HOXC5: variants seen among roughly 807,000 people sequenced by gnomAD.
HOXC5 encodes the protein homeobox protein Hox-C5.
Under a neutral mutation model 20.1 loss-of-function variants are expected in HOXC5, and 19 were observed. The ratio of observed to expected loss-of-function variants is 0.94; its 90% CI spans 0.66 to 1.38. The LOEUF (loss-of-function observed/expected upper bound fraction) is 1.38, where lower values mean the gene tolerates loss of function less well. Among genes scored for constraint, HOXC5 ranks in the 40% most tolerant of loss-of-function variants. HOXC5 has a pLI of 0.00. For missense variants in HOXC5, 330 were observed against 300.1 expected, an observed-to-expected ratio of 1.10 and a Z score of -0.74; for synonymous variants, 124 against 117.0, an observed-to-expected ratio of 1.06 and a Z score of -0.39.
At chr12:54,018,136 G>T in the HOXC5 span, among the ~76,000 whole-genome samples, 82 of 152,010 alleles carry the variant, frequency 5.4e-4, no homozygotes, top group Admixed American at 1.0e-3. Context: ...GGTGCCCTGC[G>T]TTGGGTGGAG....
the HOXC5 span, among the ~76,000 whole-genome samples, chr12:54,026,993 C>T: frequency 6.6e-6 from 1 of 151,430 alleles, no homozygotes; most frequent in Non-Finnish European, 1.5e-5. Context: ...GCTTTCTCTG[C>T]TCCCCGCACA....
At chr12:54,027,588 C>T in the HOXC5 span, among the ~76,000 whole-genome samples, 1 of 152,202 alleles carries the variant, frequency 6.6e-6, no homozygotes, top group Non-Finnish European at 1.5e-5. Flanking sequence ...TGTCTTTCCC[C>T]CTCCGGTGCC....
chr12:54,023,470 T>C, the HOXC5 span, among the ~76,000 whole-genome samples: 1 of 152,176 alleles, frequency 6.6e-6, no homozygotes, highest in Non-Finnish European at 1.5e-5. Context: ...TATACCTTTC[T>C]TCTCCGTTTA....
rs746568160 is a variant in HOXC5 at position 54,033,235 on chromosome 12, A to G, written c.113A>G (p.Tyr38Cys). The change falls in exon 1 of 2, where the codon TAC becomes TGC. Residue 38 changes from tyrosine to cysteine, a missense_variant. Tyr to Cys is a radical substitution (Grantham distance 194). Transcript: ENST00000312492. ...GSASEVQASR[Y>C]CYGGLDLSIT... Reference sequence around the variant, plus strand: ...GCCTCAGAGGTGCAGGCATCCAGGTACTGCTACGGCGGATTGGACTTAAGC... The same window carrying G: ...GCCTCAGAGGTGCAGGCATCCAGGTGCTGCTACGGCGGATTGGACTTAAGC... 2 of 1,614,204 alleles carry G rather than the reference A, an allele frequency of 1.2e-6. No individual in the cohort carries two copies. The highest frequency in any genetic ancestry group is 8.5e-7 in the Non-Finnish European group (1 of 1,180,038).
upstream of HOXC5, among the ~76,000 whole-genome samples, chr12:54,031,384 A>C (rs1170975166): frequency 6.6e-6 from 1 of 152,180 alleles, no homozygotes; most frequent in East Asian, 1.9e-4. Flanking sequence ...ATTCAAGGAC[A>C]TCTCGAGAGA....
intron 1 of HOXC5, 86 bp from the exon 2 acceptor site, chr12:54,034,192 G>A (rs1020442784): frequency 7.8e-7 from 1 of 1,288,510 alleles, no homozygotes; most frequent in African/African-American, 1.5e-5. Flanking sequence ...CTCCGGCCGC[G>A]GGTGGGGGCC....
upstream of HOXC5, among the ~76,000 whole-genome samples, chr12:54,032,431 C>T (rs1941020799): frequency 6.6e-6 from 1 of 152,232 alleles, no homozygotes; most frequent in Admixed American, 6.5e-5. Flanking sequence ...GGGACTTCTA[C>T]CTTTGGTTTA....
chr12:54,026,932 G>A, the HOXC5 span, among the ~76,000 whole-genome samples: 4 of 146,424 alleles, frequency 2.7e-5, no homozygotes, highest in African/African-American at 1.0e-4. Flanking sequence ...GTTATAGCCA[G>A]CTTTCCCCCC....
the HOXC5 span, among the ~76,000 whole-genome samples, chr12:54,027,682 G>A: frequency 6.6e-6 from 1 of 152,078 alleles, no homozygotes; most frequent in Admixed American, 6.5e-5. Flanking sequence ...TGCTGGAAGA[G>A]TTTTCCCAAC....
the HOXC5 span, chr12:54,020,492 C>T: frequency 6.6e-6 from 1 of 152,172 alleles, no homozygotes; most frequent in African/African-American, 2.4e-5. Flanking sequence ...GAGAAGGCGA[C>T]CTTGTTGGGT....
In HOXC5 at chr12:54,033,389, C is replaced by T. The variant is rs1242301235; in HGVS notation, c.267C>T (p.Asp89=). The T allele has an allele frequency of 1.2e-6, 2 of 1,612,700 alleles. No individual in the cohort carries two copies. The highest frequency in any genetic ancestry group is 1.1e-5 in the South Asian group (1 of 90,992). Residue 89 remains aspartate, a synonymous_variant, in exon 1 of 2, where the codon GAC becomes GAT. Coordinates refer to ENST00000312492, the MANE Select transcript of HOXC5 (RefSeq NM_018953.4). Reference sequence around the variant, plus strand: ...CTCCGGGACACGCTCCGGGCAGAGACGAAGCGGCTCCTCTGAACCCCGGGA... The same window carrying T: ...CTCCGGGACACGCTCCGGGCAGAGATGAAGCGGCTCCTCTGAACCCCGGGA... ...AAAPGHAPGR[D]EAAPLNPGMY... is the part of the protein sequence containing the mutation.
upstream of HOXC5, chr12:54,029,652 T>C (rs764671940): frequency 1.9e-6 from 3 of 1,610,586 alleles, no homozygotes; most frequent in East Asian, 4.5e-5. Context: ...CCCGGATCTT[T>C]AGGGGTCGGC....
intron 1 of HOXC5, chr12:54,033,970 G>A (rs1290217165): frequency 1.8e-6 from 1 of 552,280 alleles, no homozygotes; most frequent in South Asian, 1.8e-5. Flanking sequence ...GCGGGAGGGG[G>A]GTCCCCGGTG....
chr12:54,024,368 C>T, the HOXC5 span, among the ~76,000 whole-genome samples: 2 of 152,112 alleles, frequency 1.3e-5, no homozygotes, highest in Non-Finnish European at 2.9e-5. Flanking sequence ...CAGGAGGCAC[C>T]GAGCTGTAGT....
In HOXC5 at chr12:54,034,463, T is replaced by A. The variant is rs1565746624; in HGVS notation, c.640T>A (p.Ser214Thr). ...CCGCAGGATGAAGTGGAAGAAAGAT[T>A]CCAAAATGAAAAGCAAAGAGGCTCT... is the stretch of plus-strand genomic sequence containing the variant. The part of the protein sequence containing the change: ...QNRRMKWKKD[S>T]KMKSKEAL The change falls in exon 2 of 2, where the codon TCC becomes ACC. Residue 214 changes from serine (S) to threonine (T), a missense_variant. Ser to Thr is a moderately conservative substitution (Grantham distance 58). Transcript: ENST00000312492. 6.2e-7 allele frequency: 1 copy of A among 1,614,128 alleles called. No individual in the cohort carries two copies.
At chr12:54,028,246 CATAT>C (rs147627891), upstream of HOXC5, 447 of 149,384 alleles carry the variant, frequency 3.0e-3, no homozygotes, top group African/African-American at 0.012. Flanking sequence ...AGTTCCCTTA[CATAT>C]ATATATATAT....
chr12:54,032,823 T>A, upstream of HOXC5: 1 of 123,486 alleles, frequency 8.1e-6, no homozygotes, highest in Non-Finnish European at 1.6e-5. Context: ...CCCCCTTCCC[T>A]CTTTCTCTCT....
intron 1 of HOXC5, 77 bp from the exon 2 acceptor site, chr12:54,034,201 C>G (rs1268335246): frequency 3.7e-6 from 5 of 1,348,172 alleles, no homozygotes; most frequent in Non-Finnish European, 2.1e-6. Context: ...CGGGTGGGGG[C>G]CTGGGCTGGG....
the HOXC5 span, among the ~76,000 whole-genome samples, chr12:54,018,327 G>T: frequency 1.3e-5 from 2 of 152,360 alleles, no homozygotes; most frequent in East Asian, 3.9e-4. Context: ...GCTGCTCTGG[G>T]CTAGGACCTG....
Sources: gnomAD v4.1 joint callset for allele counts (sites outside exome capture counted in the v4.1 genomes callset) on GRCh38, gnomAD v4.1.1 for gene constraint, MANE v1.5 for transcripts, NCBI Gene and HGNC (gene_info 2026-07-23, HGNC 2026-07-21) for gene names.